LPP: variants seen among roughly 807,000 people sequenced by gnomAD.
LPP encodes lipoma-preferred partner.
Under a neutral mutation model 60.4 loss-of-function variants are expected in LPP, and 38 were observed. That is an observed-to-expected ratio of 0.63 (90% CI 0.49 to 0.83). The LOEUF is 0.83. Among genes scored for constraint, LPP ranks in the 40% least tolerant of loss-of-function variants. The probability of loss-of-function intolerance (pLI) is 0.00; values close to 1 mark genes in which losing one functional copy is unlikely to be tolerated. For missense variants in LPP, 902 were observed against 783.6 expected, an observed-to-expected ratio of 1.15 and a Z score of -1.80; for synonymous variants, 328 against 290.8, an observed-to-expected ratio of 1.13 and a Z score of -1.30.
At chr3:188,293,152 G>T (rs1746593038) in intron 2 of LPP, among the ~76,000 whole-genome samples, 1 of 152,154 alleles carries the variant, frequency 6.6e-6, no homozygotes, top group Admixed American at 6.5e-5. Flanking sequence ...CTGGAGGACT[G>T]GTCTCATATC....
intron 4 of LPP, among the ~76,000 whole-genome samples, chr3:188,461,446 A>G (rs1025441287): frequency 4.6e-5 from 7 of 152,212 alleles, no homozygotes; most frequent in Non-Finnish European, 1.0e-4. Flanking sequence ...AACCTTTTAC[A>G]ATATACGTAT....
chr3:188,776,405 T>A (rs1737799368), intron 9 of LPP, among the ~76,000 whole-genome samples: 1 of 152,204 alleles, frequency 6.6e-6, no homozygotes, highest in African/African-American at 2.4e-5. Context: ...GGAAAAGAAA[T>A]CAGCCTCTTG....
At chr3:188,226,871 G>C (rs771708957) in intron 2 of LPP, among the ~76,000 whole-genome samples, 1 of 152,182 alleles carries the variant, frequency 6.6e-6, no homozygotes, top group Non-Finnish European at 1.5e-5. Flanking sequence ...ACAACTGACT[G>C]TGTGCCTATT....
At chr3:188,512,673 T>C (rs1321074521) in intron 5 of LPP, among the ~76,000 whole-genome samples, 1 of 152,096 alleles carries the variant, frequency 6.6e-6, no homozygotes, top group Non-Finnish European at 1.5e-5. Flanking sequence ...ATATGGGACA[T>C]GGGAATTGAA....
At chr3:188,408,350 A>G (rs1449928058) in intron 4 of LPP, among the ~76,000 whole-genome samples, 1 of 152,172 alleles carries the variant, frequency 6.6e-6, no homozygotes, top group Non-Finnish European at 1.5e-5. Flanking sequence ...GAAGAGAAGC[A>G]TATAATGGCC....
At chr3:188,489,445 T>C (rs1364818408) in intron 5 of LPP, among the ~76,000 whole-genome samples, 1 of 151,960 alleles carries the variant, frequency 6.6e-6, no homozygotes, top group Non-Finnish European at 1.5e-5. Context: ...TTCAGATAGG[T>C]GAGTGGATTT....
intron 2 of LPP, among the ~76,000 whole-genome samples, chr3:188,332,493 T>C (rs942308936): frequency 4.6e-5 from 7 of 152,214 alleles, no homozygotes; most frequent in Admixed American, 1.3e-4. Context: ...TGTGTTATAG[T>C]AGTTGCATAG....
At chr3:188,824,268 A>G (rs1022031042) in intron 9 of LPP, among the ~76,000 whole-genome samples, 8 of 152,234 alleles carry the variant, frequency 5.3e-5, no homozygotes, top group Admixed American at 4.6e-4. Flanking sequence ...AGAATGCGGT[A>G]GCAATAGAAT....
chr3:188,240,386 A>G (rs1723828977), intron 2 of LPP, among the ~76,000 whole-genome samples: 1 of 150,904 alleles, frequency 6.6e-6, no homozygotes, highest in African/African-American at 2.5e-5. Flanking sequence ...TGAGAGAGAG[A>G]CAGAGAGAGA....
rs560362224 is a variant in LPP, at chr3:188,690,253, G to A, written c.1114-18014G>A. On this transcript the variant is annotated intron_variant, in intron 7 of 11. Transcript: ENST00000617246. ...CATAAATCCTAGTCCTCTGGCTCCC[G>A]AGTCCAGTGTTCATTACGCTATGTG... Among the ~76,000 whole-genome samples, 28 of 152,254 alleles carry A rather than the reference G, an allele frequency of 1.8e-4. No individual in the cohort carries two copies. In the South Asian group the frequency reaches 2.3e-3, roughly 12 times the overall value.
At chr3:188,229,355 C>T (rs548376112) in intron 2 of LPP, among the ~76,000 whole-genome samples, 19 of 152,246 alleles carry the variant, frequency 1.2e-4, no homozygotes, top group African/African-American at 4.1e-4. Flanking sequence ...CTGTTGATAC[C>T]GGTTTACAAT....
At chr3:188,291,172 GC>G (rs1345420134) in intron 2 of LPP, among the ~76,000 whole-genome samples, 3 of 152,080 alleles carry the variant, frequency 2.0e-5, no homozygotes, top group Non-Finnish European at 1.5e-5. Flanking sequence ...ACTTTCTTGG[GC>G]TTCTTGTCCC....
intron 2 of LPP, among the ~76,000 whole-genome samples, chr3:188,243,515 G>A (rs1170026500): frequency 2.6e-5 from 4 of 152,166 alleles, no homozygotes; most frequent in Admixed American, 1.3e-4. Flanking sequence ...GGAAAGCTGC[G>A]AAATAAATCG....
rs5855182 is a variant in LPP at position 188,182,781 on chromosome 3, A to ATATGTATAT, written c.-190+28529_-190+28530insTATGTATAT. ...ACATATATTATATATGTGCATATAT[A>ATATGTATAT]ATATATGTACATATACAATATATGC... On this transcript the variant is annotated intron_variant, in intron 1 of 11. Transcript: ENST00000617246. This position sits in a 1 kb window ranked among gnomAD's most constrained non-coding sequence, Gnocchi z 4.4. Among the ~76,000 whole-genome samples the ATATGTATAT allele has an allele frequency of 1.7e-5, 1 of 60,220 alleles. No homozygotes were observed. Among genetic ancestry groups the ATATGTATAT allele is most frequent in the Non-Finnish European group, 4.6e-5 (1 of 21,584 alleles). 39.5% of individuals were successfully genotyped at this position (60,220 alleles called of 152,430 possible). A position where few individuals can be genotyped will look rare whatever the true frequency, so the allele number is the denominator to read the frequency against.
chr3:188,247,095 T>C lies in LPP; in HGVS notation c.-67+21568T>C, dbSNP rs115693336. ...CTGAGTTCAGATCACTCTAATTTCC[T>C]GGGCCTCACTTGACCCATCTGTGAA... On this transcript the variant is annotated intron_variant, in intron 2 of 11. Transcript: ENST00000617246. The C allele has an allele frequency of 4.4e-4, 318 of 715,562 alleles. 1 individual carries two copies. The African/African-American group carries it at 5.8e-3, about 13-fold the overall frequency. The allele number at this position is 715,562 out of a possible 1,614,324, so 44.3% of individuals were successfully genotyped here.
chr3:188,178,142 T>A (rs1723636479), intron 1 of LPP, among the ~76,000 whole-genome samples: 1 of 152,194 alleles, frequency 6.6e-6, no homozygotes, highest in Non-Finnish European at 1.5e-5. Flanking sequence ...TTCTAGGTTC[T>A]CTGTCACTTG....
chr3:188,805,098 C>G (rs1748671765), intron 9 of LPP, among the ~76,000 whole-genome samples: 1 of 151,890 alleles, frequency 6.6e-6, no homozygotes, highest in Non-Finnish European at 1.5e-5. Flanking sequence ...TTTAATTTGC[C>G]AGTAGTTTGT....
chr3:188,667,610 GA>G (rs1856081984), intron 7 of LPP, among the ~76,000 whole-genome samples: 1 of 150,794 alleles, frequency 6.6e-6, no homozygotes, highest in Non-Finnish European at 1.5e-5. Context: ...GAAATGCTAT[GA>G]AGCCAGTTAG....
intron 10 of LPP, among the ~76,000 whole-genome samples, chr3:188,870,355 A>G (rs1767790864): frequency 6.6e-6 from 1 of 151,956 alleles, no homozygotes; most frequent in African/African-American, 2.4e-5. Flanking sequence ...TCTTTAACTG[A>G]CTCTTTGCAT....
Sources: gnomAD v4.1 joint callset for allele counts (sites outside exome capture counted in the v4.1 genomes callset) on GRCh38, gnomAD v4.1.1 for gene constraint, Gnocchi (gnomAD v3.1) non-coding constraint, MANE v1.5 for transcripts, NCBI Gene and HGNC (gene_info 2026-07-23, HGNC 2026-07-21) for gene names.